The following TBPL2 variants were observed in gnomAD, a reference collection of about 807,000 sequenced individuals.
TBPL2 encodes TATA box-binding protein-like 2.
Under a neutral mutation model 38.2 loss-of-function variants are expected in TBPL2, and 40 were observed. That is an observed-to-expected ratio of 1.05 (90% CI 0.81 to 1.36). The LOEUF is 1.36. Ranked by LOEUF, TBPL2 falls within the 40% of genes most tolerant of loss-of-function variation. The pLI is 0.00. For missense variants in TBPL2, 461 were observed against 456.7 expected, an observed-to-expected ratio of 1.01 and a Z score of -0.09; for synonymous variants, 169 against 171.7, an observed-to-expected ratio of 0.98 and a Z score of 0.12.
rs550645712 is a variant in TBPL2, at chr14:55,428,160, C to T, written c.956+647G>A. On this transcript the variant is annotated intron_variant, in intron 5 of 6. Transcript: ENST00000247219. The stretch of plus-strand genomic sequence containing the variant: ...TTTTTTTTTTTTTGAGACGGAGTCT[C>T]GCTCTGTCGCCCAGGCTGGAGTCCA... 2.7e-3 allele frequency among the ~76,000 whole-genome samples: 243 copies of T among 91,514 alleles called. 1 individual carries two copies. The highest frequency in any genetic ancestry group is 4.1e-3 in the Non-Finnish European group (194 of 47,604). 60.0% of individuals were successfully genotyped at this position (91,514 alleles called of 152,430 possible).
intron 5 of TBPL2, among the ~76,000 whole-genome samples, chr14:55,427,650 C>T (rs1451880896): frequency 6.6e-6 from 1 of 151,794 alleles, no homozygotes; most frequent in African/African-American, 2.4e-5. Flanking sequence ...GGTTTGGTGT[C>T]CATGAGTCAC....
chr14:55,415,612 C>A (rs980793803), intron 6 of TBPL2, among the ~76,000 whole-genome samples: 8 of 152,006 alleles, frequency 5.3e-5, no homozygotes, highest in African/African-American at 1.9e-4. Context: ...CACCTGTAAT[C>A]CCAGCACTTT....
At chr14:55,438,790 C>T (rs1475945681) in intron 1 of TBPL2, 2 of 152,098 alleles carry the variant, frequency 1.3e-5, no homozygotes, top group South Asian at 2.1e-4. Flanking sequence ...ACTGTATCCA[C>T]TTACCTTTCT....
chr14:55,424,781 G>A (rs1307200187), intron 5 of TBPL2, among the ~76,000 whole-genome samples: 1 of 152,088 alleles, frequency 6.6e-6, no homozygotes, highest in Non-Finnish European at 1.5e-5. Flanking sequence ...TACAATTCAG[G>A]ATTTGTTGCT....
chr14:55,426,420 C>A (rs915420218), intron 5 of TBPL2, among the ~76,000 whole-genome samples: 2 of 151,982 alleles, frequency 1.3e-5, no homozygotes, highest in Non-Finnish European at 2.9e-5. Flanking sequence ...ATTTGCAGAA[C>A]CTGGGAAACT....
At chr14:55,437,197 C>T (rs1886030694) in intron 1 of TBPL2, among the ~76,000 whole-genome samples, 179 bp from the exon 2 acceptor site, 1 of 151,892 alleles carries the variant, frequency 6.6e-6, no homozygotes, top group Non-Finnish European at 1.5e-5. Context: ...CTACTACAGG[C>T]CAGATGTGGT....
chr14:55,428,281 TG>T (rs1885864757), intron 5 of TBPL2, among the ~76,000 whole-genome samples: 1 of 151,768 alleles, frequency 6.6e-6, no homozygotes, highest in East Asian at 1.9e-4. Flanking sequence ...AGGCGCCCGC[TG>T]CCACGCCCGG....
chr14:55,428,633 C>G (rs1885870904), intron 5 of TBPL2, among the ~76,000 whole-genome samples, 174 bp downstream of exon 5: 1 of 146,286 alleles, frequency 6.8e-6, no homozygotes, highest in Admixed American at 6.8e-5. Context: ...AAAGACTGGG[C>G]ACATGTGGTA....
chr14:55,435,993 A>AG (rs1406755561), intron 2 of TBPL2, 59 bp from the exon 3 acceptor site: 12 of 1,126,900 alleles, frequency 1.1e-5, no homozygotes, highest in Non-Finnish European at 1.5e-5. Flanking sequence ...AAAAAAAAAA[A>AG]GACAACTTAT....
chr14:55,420,667 A>C (rs1885728372), intron 6 of TBPL2, among the ~76,000 whole-genome samples: 1 of 152,190 alleles, frequency 6.6e-6, no homozygotes, highest in Non-Finnish European at 1.5e-5. Flanking sequence ...TATACTTAGA[A>C]ATTTTAAGGG....
chr14:55,431,136 A>G (rs984502207), intron 4 of TBPL2, among the ~76,000 whole-genome samples: 90 of 152,350 alleles, frequency 5.9e-4, no homozygotes, highest in African/African-American at 1.9e-3. Context: ...TCTTGCTGTT[A>G]CAACAAAAGA....
At chr14:55,428,119 CTTTTTTTTTTTT>C (rs567342581) in intron 5 of TBPL2, among the ~76,000 whole-genome samples, 1 of 43,360 alleles carries the variant, frequency 2.3e-5, no homozygotes, top group Non-Finnish European at 3.8e-5. Flanking sequence ...CATGCCTTAT[CTTTTTTTTTTTT>C]TTTTTTTTTT....
chr14:55,430,198 C>A (rs1479793100), intron 4 of TBPL2, among the ~76,000 whole-genome samples: 2 of 152,028 alleles, frequency 1.3e-5, no homozygotes. Flanking sequence ...GTGAATTCCA[C>A]CCCCCTCATG....
intron 1 of TBPL2, among the ~76,000 whole-genome samples, chr14:55,437,465 G>A (rs557800226): frequency 1.3e-5 from 2 of 152,324 alleles, no homozygotes; most frequent in Non-Finnish European, 2.9e-5. Context: ...GTATCAGAGC[G>A]AGACTCCATC....
chr14:55,424,413 G>A (rs1215896674), intron 5 of TBPL2, among the ~76,000 whole-genome samples, 160 bp from the exon 6 acceptor site: 1 of 152,164 alleles, frequency 6.6e-6, no homozygotes, highest in Admixed American at 6.5e-5. Context: ...AGTCTTGAGT[G>A]TCCTAGGTAA....
At position 55,428,928 on chromosome 14, in the gene TBPL2, G is replaced by A; in HGVS notation, c.835C>T (p.Gln279Ter). Residue 279 changes from glutamine to a stop codon, truncating the protein, a stop_gained, in exon 5 of 7, where the codon CAG (glutamine) becomes TAG (stop). Coordinates refer to ENST00000247219, the Ensembl canonical transcript of TBPL2. LOFTEE classifies it high-confidence loss of function. ...AATCTGGCAGGGAACCCAAGCTTCT[G>A]CACCACACGAGCATATTTTCTTGCT... The A allele has an allele frequency of 1.2e-6, 2 of 1,614,134 alleles. No homozygotes were observed. Among genetic ancestry groups the A allele is most frequent in the Non-Finnish European group, 1.7e-6 (2 of 1,180,010 alleles).
chr14:55,439,380 C>A, intron 1 of TBPL2, among the ~76,000 whole-genome samples: 1 of 151,782 alleles, frequency 6.6e-6, no homozygotes, highest in Non-Finnish European at 1.5e-5. Flanking sequence ...AGGCCTAGTA[C>A]TGGCATCCAT....
intron 4 of TBPL2, among the ~76,000 whole-genome samples, chr14:55,429,766 C>CAAAAAAAAAAAAAAAAAAAAAAA (rs71131266): frequency 5.7e-5 from 3 of 52,374 alleles, no homozygotes; most frequent in East Asian, 5.7e-4. Context: ...AACTCCGTCT[C>CAAAAAAAAAAAAAAAAAAAAAAA]AAAAAAAAAA....
intron 1 of TBPL2, 145 bp downstream of exon 1, chr14:55,440,251 C>T (rs1462531478): frequency 9.9e-6 from 10 of 1,008,186 alleles, no homozygotes; most frequent in Non-Finnish European, 1.5e-5. Context: ...CTTTTCGAAG[C>T]TTCTAACCTT....
Sources: allele counts gnomAD v4.1 joint callset (sites outside exome capture counted in the v4.1 genomes callset), GRCh38; gene constraint gnomAD v4.1.1; transcripts MANE v1.5; gene names NCBI Gene and HGNC (gene_info 2026-07-23, HGNC 2026-07-21).